S100Z: variants seen among roughly 807,000 people sequenced by gnomAD.
S100Z encodes protein S100-Z.
In S100Z, 11 loss-of-function variants were observed where a neutral mutation model predicts 8.5. That is an observed-to-expected ratio of 1.30 (90% confidence interval 0.82 to 2.15). The LOEUF (loss-of-function observed/expected upper bound fraction) is 2.15. S100Z is among the 30% of genes most tolerant of loss of function. S100Z has a pLI of 0.00. For synonymous variants in S100Z, 34 were observed against 43.8 expected (o/e 0.78, Z 0.89); for missense variants, 126 against 117.9 (o/e 1.07, Z -0.32).
intron 1 of S100Z, among the ~76,000 whole-genome samples, chr5:76,866,037 A>T (rs1196786293): frequency 6.6e-6 from 1 of 151,472 alleles, no homozygotes; most frequent in Non-Finnish European, 1.5e-5. Context: ...AAAAAAAAAA[A>T]GTTACAGTAA....
At chr5:76,943,525 T>C in the S100Z span, among the ~76,000 whole-genome samples, 1 of 152,202 alleles carries the variant, frequency 6.6e-6, no homozygotes, top group Non-Finnish European at 1.5e-5. Flanking sequence ...GGGCTGGATG[T>C]CTTCCTTTGC....
intron 4 of S100Z, among the ~76,000 whole-genome samples, chr5:76,917,491 G>T (rs951076221): frequency 6.6e-6 from 1 of 152,130 alleles, no homozygotes; most frequent in African/African-American, 2.4e-5. Context: ...GACTGAAGTA[G>T]CCATTCAGCT....
downstream of S100Z, among the ~76,000 whole-genome samples, chr5:76,925,301 G>C (rs1475351528): frequency 6.6e-6 from 1 of 152,166 alleles, no homozygotes; most frequent in Non-Finnish European, 1.5e-5. Flanking sequence ...GTATGCGGGG[G>C]TGTGAACGCC....
Position 76,908,146 on chromosome 5 carries a change from T to G in S100Z, c.*3-12571T>G, listed in dbSNP as rs1431683086. On this transcript the variant is annotated intron_variant, in intron 4 of 4. Coordinates refer to ENST00000317593, the MANE Select transcript of S100Z (RefSeq NM_130772.4). ...GACCCTGTCTCAAAAAAATTAATAA[T>G]CAAAGGTCTCTCTAACAACCTGCAA... Among the ~76,000 whole-genome samples the G allele has an allele frequency of 2.0e-5, 3 of 152,026 alleles. No individual in the cohort carries two copies. The East Asian group carries it at 5.8e-4, about 29-fold the overall frequency.
chr5:76,852,487 G>C (rs189056881), intron 1 of S100Z, among the ~76,000 whole-genome samples: 4 of 152,126 alleles, frequency 2.6e-5, no homozygotes, highest in Non-Finnish European at 5.9e-5. Context: ...GAGGTGGGTG[G>C]ATTGCTTGAG....
chr5:76,853,336 A>G (rs1400407517), intron 1 of S100Z, among the ~76,000 whole-genome samples: 1 of 152,254 alleles, frequency 6.6e-6, no homozygotes, highest in East Asian at 1.9e-4. Flanking sequence ...GGGAAGAAGA[A>G]AGATAGATCT....
chr5:76,915,470 T>A (rs6887216), intron 4 of S100Z, among the ~76,000 whole-genome samples: 94,310 of 151,388 alleles, frequency 0.62, 29,581 homozygotes, highest in Non-Finnish European at 0.64. Context: ...TAGCCAGGCA[T>A]GGGGGTGAGC....
intron 4 of S100Z, among the ~76,000 whole-genome samples, chr5:76,914,686 G>A (rs1197638378): frequency 2.6e-5 from 4 of 151,974 alleles, no homozygotes; most frequent in African/African-American, 7.3e-5. Context: ...AACTCCAGAC[G>A]TGCCACCTTT....
At chr5:76,889,018 G>A (rs1379384445) in intron 4 of S100Z, among the ~76,000 whole-genome samples, 1 of 152,210 alleles carries the variant, frequency 6.6e-6, no homozygotes, top group Non-Finnish European at 1.5e-5. Context: ...AGAGCCTAGG[G>A]TGGGAGGGCC....
chr5:76,895,516 A>C (rs758225015), intron 4 of S100Z, among the ~76,000 whole-genome samples: 1 of 152,106 alleles, frequency 6.6e-6, no homozygotes, highest in Non-Finnish European at 1.5e-5. Flanking sequence ...CCTGATGTCC[A>C]ATGGCTTACC....
intron 4 of S100Z, among the ~76,000 whole-genome samples, chr5:76,904,639 T>G (rs953063929): frequency 5.9e-5 from 9 of 152,084 alleles, no homozygotes; most frequent in Non-Finnish European, 1.3e-4. Flanking sequence ...ACTAGAACTT[T>G]CAAGTAGAGT....
At chr5:76,871,891 ATGTAC>A (rs1362159087) in intron 2 of S100Z, among the ~76,000 whole-genome samples, 3 of 152,162 alleles carry the variant, frequency 2.0e-5, no homozygotes, top group African/African-American at 7.2e-5. Flanking sequence ...AGCCAAACCA[ATGTAC>A]ACCTTACATA....
chr5:76,876,487 G>T (rs1445494849), intron 3 of S100Z, among the ~76,000 whole-genome samples: 3 of 151,798 alleles, frequency 2.0e-5, no homozygotes, highest in African/African-American at 7.3e-5. Context: ...TTGTGCCTCA[G>T]CCTCCGGAGT....
At chr5:76,949,651 A>G in the S100Z span, among the ~76,000 whole-genome samples, 3 of 152,236 alleles carry the variant, frequency 2.0e-5, no homozygotes, top group East Asian at 5.8e-4. Context: ...TCCTTGTCAT[A>G]TACTACAGCA....
At chr5:76,932,155 C>T in the S100Z span, among the ~76,000 whole-genome samples, 4 of 151,844 alleles carry the variant, frequency 2.6e-5, no homozygotes, top group Admixed American at 2.6e-4. Flanking sequence ...TTTTTTCTCC[C>T]CAGTGAAAAG....
At chr5:76,931,405 G>GA in the S100Z span, among the ~76,000 whole-genome samples, 1 of 152,110 alleles carries the variant, frequency 6.6e-6, no homozygotes, top group Non-Finnish European at 1.5e-5. Flanking sequence ...CAGCCACCAT[G>GA]ACTGGCTCCT....
At chr5:76,870,628 C>T (rs1742975877) in intron 2 of S100Z, among the ~76,000 whole-genome samples, 1 of 151,686 alleles carries the variant, frequency 6.6e-6, no homozygotes, top group African/African-American at 2.4e-5. Context: ...CTTTAGTGGA[C>T]AGTCCGAATT....
At position 76,877,808 on chromosome 5, in the gene S100Z, A is replaced by G; in HGVS notation, c.276A>G (p.Glu92=). ...LTVACNDYFV[E]QLKKKGK is the part of the protein sequence containing the mutation. ...TTGCTTGTAATGATTACTTTGTAGA[A>G]CAATTGAAGAAGAAAGGAAAATAAA... The change falls in exon 4 of 5, where the codon GAA becomes GAG. Residue 92 remains glutamate (E), a synonymous_variant. Coordinates refer to ENST00000317593, the MANE Select transcript of S100Z (RefSeq NM_130772.4). 1.2e-6 allele frequency: 2 copies of G among 1,613,244 alleles called. No homozygotes were observed. The highest frequency in any genetic ancestry group is 1.7e-6 in the Non-Finnish European group (2 of 1,179,242).
chr5:76,882,996 A>ACT (rs1743468855), intron 4 of S100Z, among the ~76,000 whole-genome samples: 3 of 152,158 alleles, frequency 2.0e-5, no homozygotes, highest in African/African-American at 7.2e-5. Context: ...TCCTGAACTA[A>ACT]GGTAAGGCTT....
Sources: gnomAD v4.1 joint callset for allele counts (sites outside exome capture counted in the v4.1 genomes callset) on GRCh38, gnomAD v4.1.1 for gene constraint, MANE v1.5 for transcripts, NCBI Gene and HGNC (gene_info 2026-07-23, HGNC 2026-07-21) for gene names.